SIPA1L1: variants seen among roughly 807,000 people sequenced by gnomAD.
The protein encoded by SIPA1L1 is signal-induced proliferation-associated 1-like protein 1.
A neutral mutation model predicts 162.7 loss-of-function variants in SIPA1L1; 26 were observed. The ratio of observed to expected loss-of-function variants is 0.16; its 90% CI spans 0.12 to 0.22. The LOEUF is 0.22. Among genes scored for constraint, SIPA1L1 ranks in the 10% least tolerant of loss-of-function variants. The pLI is 1.00. For missense variants in SIPA1L1, 1,874 were observed against 2,241.0 expected (o/e 0.84, Z 3.31); for synonymous variants, 829 against 837.4 (o/e 0.99, Z 0.17).
chr14:71,481,822 AGACAAT>A (rs1182825406), intron 2 of SIPA1L1, among the ~76,000 whole-genome samples: 1 of 152,242 alleles, frequency 6.6e-6, no homozygotes, highest in Non-Finnish European at 1.5e-5. Flanking sequence ...ATATAGGAGT[AGACAAT>A]TAGGAAGGTG....
chr14:71,360,959 G>GTACT (rs1467446076), intron 2 of SIPA1L1, among the ~76,000 whole-genome samples: 4 of 152,216 alleles, frequency 2.6e-5, no homozygotes, highest in Non-Finnish European at 5.9e-5. Context: ...TTTCCTAGAT[G>GTACT]TACTGGTTTT....
At chr14:71,411,630 G>T (rs1314290159) in intron 2 of SIPA1L1, among the ~76,000 whole-genome samples, 2 of 152,182 alleles carry the variant, frequency 1.3e-5, no homozygotes, top group Admixed American at 1.3e-4. Context: ...AGTTGGCTGG[G>T]CCAGAGGTTG....
chr14:71,707,849 A>G (rs1195013915), intron 16 of SIPA1L1, among the ~76,000 whole-genome samples: 1 of 151,980 alleles, frequency 6.6e-6, no homozygotes, highest in African/African-American at 2.4e-5. Context: ...CTGTTTTCCC[A>G]TAGTTACCAC....
intron 16 of SIPA1L1, among the ~76,000 whole-genome samples, chr14:71,707,060 A>G (rs1348628149): frequency 1.3e-5 from 2 of 148,822 alleles, no homozygotes; most frequent in Non-Finnish European, 3.0e-5. Context: ...AGAAACTGGC[A>G]TGTCCTACTC....
chr14:71,629,095 G>A (rs1244348159), intron 7 of SIPA1L1, among the ~76,000 whole-genome samples: 3 of 151,902 alleles, frequency 2.0e-5, no homozygotes, highest in African/African-American at 7.3e-5. Flanking sequence ...CCGCCACCAC[G>A]CCCAGCTAAA....
At chr14:71,712,205 T>C (rs144181768) in intron 17 of SIPA1L1, among the ~76,000 whole-genome samples, 205 of 152,292 alleles carry the variant, frequency 1.3e-3, no homozygotes, top group Non-Finnish European at 2.4e-3. Context: ...TTTCACTGCA[T>C]CTTTCTGGCT....
intron 6 of SIPA1L1, 66 bp from the exon 7 acceptor site, chr14:71,623,982 G>T: frequency 7.3e-7 from 1 of 1,370,700 alleles, no homozygotes; most frequent in Non-Finnish European, 1.0e-6. Context: ...GGCCTGCAGT[G>T]CATGTACATG....
intron 7 of SIPA1L1, among the ~76,000 whole-genome samples, 199 bp downstream of exon 7, chr14:71,624,435 C>G (rs933547333): frequency 7.9e-5 from 12 of 152,134 alleles, no homozygotes; most frequent in African/African-American, 2.7e-4. Context: ...TTCTGCATGT[C>G]AGAATTTATA....
chr14:71,717,131 C>T (rs1176020420), intron 17 of SIPA1L1, among the ~76,000 whole-genome samples: 2 of 152,318 alleles, frequency 1.3e-5, no homozygotes, highest in South Asian at 4.1e-4. Flanking sequence ...ATTTCCTGAC[C>T]TCATGATCCA....
chr14:71,370,741 A>G (rs912306904), intron 2 of SIPA1L1, among the ~76,000 whole-genome samples: 3 of 152,210 alleles, frequency 2.0e-5, no homozygotes, highest in African/African-American at 7.2e-5. Context: ...TCAGTTATGA[A>G]TCTAGGATTC....
chr14:71,405,000 G>A (rs2041941471), intron 2 of SIPA1L1, among the ~76,000 whole-genome samples: 1 of 152,194 alleles, frequency 6.6e-6, no homozygotes, highest in African/African-American at 2.4e-5. Context: ...AGGCATTTAA[G>A]GATGAATAAA....
chr14:71,642,679 T>A (rs2041831388), intron 7 of SIPA1L1, among the ~76,000 whole-genome samples: 2 of 152,066 alleles, frequency 1.3e-5, no homozygotes, highest in South Asian at 4.2e-4. Flanking sequence ...AGTCAATCAT[T>A]TAATTAAAAA....
At chr14:71,380,946 A>G (rs1018596621) in intron 2 of SIPA1L1, among the ~76,000 whole-genome samples, 6 of 152,144 alleles carry the variant, frequency 3.9e-5, no homozygotes, top group African/African-American at 9.7e-5. Flanking sequence ...GAAGTTTCCC[A>G]CCCTTAATGG....
intron 2 of SIPA1L1, among the ~76,000 whole-genome samples, chr14:71,384,737 C>A (rs905756840): frequency 6.6e-6 from 1 of 152,168 alleles, no homozygotes; most frequent in Non-Finnish European, 1.5e-5. Context: ...AAATTAAACT[C>A]ATTCTTTGGA....
At chr14:71,674,836 T>A (rs1460351693) in intron 12 of SIPA1L1, among the ~76,000 whole-genome samples, 1 of 151,660 alleles carries the variant, frequency 6.6e-6, no homozygotes, top group Non-Finnish European at 1.5e-5. Context: ...AGTGCTGGGA[T>A]TACAGGCGTG....
chr14:71,493,256 C>A (rs936754887), intron 2 of SIPA1L1, among the ~76,000 whole-genome samples: 1 of 151,934 alleles, frequency 6.6e-6, no homozygotes, highest in African/African-American at 2.4e-5. Flanking sequence ...CCTCCACGCC[C>A]CCAGTTTTTT....
chr14:71,469,686 T>C (rs2047298960), intron 2 of SIPA1L1, among the ~76,000 whole-genome samples: 1 of 152,122 alleles, frequency 6.6e-6, no homozygotes, highest in South Asian at 2.1e-4. Flanking sequence ...CCCCCTTTCA[T>C]CCATATTCTC....
Position 71,671,329 on chromosome 14 carries a change from C to T in SIPA1L1, c.2466C>T (p.Thr822=), listed in dbSNP as rs201948031. The part of the protein sequence containing the change: ...YLKDLAEKNV[T]NTPIDPSGKF... ...AAGATCTGGCAGAAAAGAATGTCAC[C>T]AACACCCCTATCGACCCTTCTGGCA... is the stretch of plus-strand genomic sequence containing the variant. The change falls in exon 11 of 24, where the codon ACC becomes ACT. Residue 822 remains threonine (T), a synonymous_variant. Coordinates refer to ENST00000381232, the MANE Select transcript of SIPA1L1 (RefSeq NM_001386936.1). 6 of 1,614,210 alleles carry T rather than the reference C, an allele frequency of 3.7e-6. No homozygotes were observed. The highest frequency in any genetic ancestry group is 5.1e-6 in the Non-Finnish European group (6 of 1,180,036).
intron 22 of SIPA1L1, 34 bp downstream of exon 22, chr14:71,735,425 T>C: frequency 7.2e-7 from 1 of 1,397,336 alleles, no homozygotes. Context: ...ACTCTGCACC[T>C]TGTGTCACAT....
Sources: gnomAD v4.1 joint callset for allele counts (sites outside exome capture counted in the v4.1 genomes callset) on GRCh38, gnomAD v4.1.1 for gene constraint, MANE v1.5 for transcripts, NCBI Gene and HGNC (gene_info 2026-07-23, HGNC 2026-07-21) for gene names.